The following CEP295 variants were observed in gnomAD, a reference collection of about 807,000 sequenced individuals.
CEP295 encodes centrosomal protein of 295 kDa.
CEP295 carries 190 observed loss-of-function variants against 291.6 expected under a neutral mutation model. The observed-to-expected ratio is 0.65, with a 90% CI of 0.58 to 0.73. The LOEUF (loss-of-function observed/expected upper bound fraction) is 0.73, where lower values mean the gene tolerates loss of function less well. Ranked by LOEUF, CEP295 falls within the 30% of genes least tolerant of loss-of-function variation. CEP295 has a pLI of 0.00. For missense variants in CEP295, 2,863 were observed against 2,949.4 expected, an observed-to-expected ratio of 0.97 and a Z score of 0.68; for synonymous variants, 993 against 1,038.8, an observed-to-expected ratio of 0.96 and a Z score of 0.85.
At chr11:93,665,409 A>G (rs1021733543) in intron 1 of CEP295, among the ~76,000 whole-genome samples, 16 of 152,208 alleles carry the variant, frequency 1.1e-4, no homozygotes, top group African/African-American at 3.9e-4. Flanking sequence ...AACGGTAGCA[A>G]CAGAAGAATA....
chr11:93,728,842 TATTTTA>T (rs1429399338), intron 25 of CEP295, 21 bp downstream of exon 25: 1 of 1,521,898 alleles, frequency 6.6e-7, no homozygotes, highest in East Asian at 2.5e-5. Flanking sequence ...GCTTTCCTTC[TATTTTA>T]TTCTATTACA....
intron 25 of CEP295, 114 bp from the exon 26 acceptor site, chr11:93,729,320 A>G: frequency 1.4e-6 from 1 of 722,882 alleles, no homozygotes; most frequent in Non-Finnish European, 2.4e-6. Context: ...AGACCCAGCT[A>G]AGATTGAGGC....
rs1242739485 is a variant in CEP295, at chr11:93,698,272, T to G, written c.3360T>G (p.Pro1120=). The change falls in exon 15 of 30, where the codon CCT becomes CCG. Residue 1120 remains proline, a synonymous_variant. Transcript: ENST00000325212. ...CACAAGCTTCTGCTAAAGCTGAGCCTAGGAGAATTCAGGAGCTTTATTTAT... is the reference window on the plus strand; with the variant it reads ...CACAAGCTTCTGCTAAAGCTGAGCCGAGGAGAATTCAGGAGCTTTATTTAT... ...VASQASAKAE[P]RRIQELYLSE... 4 of 1,551,850 alleles carry G rather than the reference T, an allele frequency of 2.6e-6. No homozygotes were observed. In the East Asian group the frequency reaches 9.8e-5, roughly 38 times the overall value.
chr11:93,723,208 T>A lies in CEP295; in HGVS notation c.6115T>A (p.Cys2039Ser), dbSNP rs1218709818. Residue 2039 changes from cysteine to serine, a missense_variant, in exon 21 of 30, where the codon TGT (cysteine) becomes AGT (serine). By Grantham distance (112) the Cys-to-Ser change is moderately radical. This residue lies in a region of CEP295 where 2,295 missense variants were observed against 2,335.7 expected (regional missense o/e 0.98). Coordinates refer to ENST00000325212, the MANE Select transcript of CEP295 (RefSeq NM_033395.2). Reference sequence around the variant, plus strand: ...GTTGCCTGCAGTGGATGAAACTACATGTGGTCACACACACTTTCAGCAAAT... The same window carrying A: ...GTTGCCTGCAGTGGATGAAACTACAAGTGGTCACACACACTTTCAGCAAAT... The part of the protein sequence containing the change: ...SLLPAVDETT[C>S]GHTHFQQMID... 3 of 1,551,894 alleles carry A rather than the reference T, an allele frequency of 1.9e-6. No homozygotes were observed. The African/African-American group carries it at 4.1e-5, about 21-fold the overall frequency.
chr11:93,710,710 CG>C (rs995180176), intron 18 of CEP295, among the ~76,000 whole-genome samples: 3 of 152,136 alleles, frequency 2.0e-5, no homozygotes, highest in African/African-American at 7.2e-5. Flanking sequence ...TTTAAGTGTT[CG>C]GTAAAATTCA....
chr11:93,699,866 G>A lies in CEP295; in HGVS notation c.4954G>A (p.Glu1652Lys). 6.4e-7 allele frequency: 1 copy of A among 1,552,070 alleles called. No homozygotes were observed. The highest frequency in any genetic ancestry group is 8.7e-7 in the Non-Finnish European group (1 of 1,147,012). ...IPSLFLPKETEHSFIPLPFAE... is the reference protein window; with the variant it reads ...IPSLFLPKETKHSFIPLPFAE... ...CTCTTTGTTTCTACCCAAGGAAACAGAGCATTCGTTTATTCCACTACCTTT... is the reference window on the plus strand; with the variant it reads ...CTCTTTGTTTCTACCCAAGGAAACAAAGCATTCGTTTATTCCACTACCTTT... Residue 1652 changes from glutamate to lysine, a missense_variant, in exon 15 of 30, where the codon GAG (glutamate) becomes AAG (lysine). Glu to Lys is a moderately conservative substitution (Grantham distance 56, BLOSUM62 1). Transcript: ENST00000325212.
chr11:93,685,612 G>A (rs1951193625), intron 9 of CEP295, among the ~76,000 whole-genome samples: 1 of 152,224 alleles, frequency 6.6e-6, no homozygotes, highest in African/African-American at 2.4e-5. Flanking sequence ...TGGTTTCAGG[G>A]CTGACTTGCC....
chr11:93,729,361 C>A, intron 25 of CEP295, 73 bp from the exon 26 acceptor site: 1 of 1,038,308 alleles, frequency 9.6e-7, no homozygotes, highest in Non-Finnish European at 1.5e-6. Context: ...CCGCTGCACT[C>A]TAATCTGACA....
Position 93,703,600 on chromosome 11 carries a change from G to A in CEP295, c.5596+681G>A, listed in dbSNP as rs1157224189. ...GTTTTTTTTTTTTCTCTTTTCCTTT[G>A]TCACTTTCTACTTTCCTACCTTCAC... is the stretch of plus-strand genomic sequence containing the variant. On this transcript the variant is annotated intron_variant, in intron 17 of 29. Transcript: ENST00000325212. 4.4e-5 allele frequency among the ~76,000 whole-genome samples: 6 copies of A among 137,004 alleles called. No homozygotes were observed. In the East Asian group the frequency reaches 1.1e-3, roughly 24 times the overall value. 89.9% of individuals were successfully genotyped at this position (137,004 alleles called of 152,430 possible). A position where few individuals can be genotyped will look rare whatever the true frequency, so the allele number is the denominator to read the frequency against.
At chr11:93,665,477 G>T (rs190118851) in intron 1 of CEP295, among the ~76,000 whole-genome samples, 55 of 152,334 alleles carry the variant, frequency 3.6e-4, no homozygotes, top group Non-Finnish European at 6.6e-4. Context: ...GGAGGCTGAG[G>T]CAGGTGGATC....
Position 93,699,673 on chromosome 11 carries a change from T to C in CEP295, c.4761T>C (p.Asp1587=). The part of the protein sequence containing the change: ...SSHREIPRLQ[D]RLLSLSKPIL... ...ATCGTGAGATTCCAAGATTACAGGATAGACTTTTGAGTTTATCAAAGCCTA... is the reference window on the plus strand; with the variant it reads ...ATCGTGAGATTCCAAGATTACAGGACAGACTTTTGAGTTTATCAAAGCCTA... The change falls in exon 15 of 30, where the codon GAT becomes GAC. Residue 1587 remains aspartate, a synonymous_variant. Coordinates refer to ENST00000325212, the MANE Select transcript of CEP295 (RefSeq NM_033395.2). 1 of 1,551,544 alleles carries C rather than the reference T, an allele frequency of 6.4e-7. No homozygotes were observed. The highest frequency in any genetic ancestry group is 8.7e-7 in the Non-Finnish European group (1 of 1,147,032).
Position 93,669,707 on chromosome 11 carries a change from T to G in CEP295, c.465T>G (p.Leu155=). Residue 155 remains leucine, a synonymous_variant, in exon 5 of 30, where the codon CTT becomes CTG. Transcript: ENST00000325212. ...TAAAAGCTCGAAAGGAAGCACTGCT[T>G]GTGGAAAAAGAGAGATCAGCCAAAA... The part of the protein sequence containing the change: ...WHIKARKEAL[L]VEKERSAKIT... The G allele has an allele frequency of 6.4e-7, 1 of 1,550,816 alleles. No individual in the cohort carries two copies. The highest frequency in any genetic ancestry group is 8.7e-7 in the Non-Finnish European group (1 of 1,146,278).
At position 93,729,666 on chromosome 11, in the gene CEP295, A is replaced by G. The variant is rs1565230802; in HGVS notation, c.7452A>G (p.Ile2484Met). The change falls in exon 27 of 30, where the codon ATA becomes ATG. Residue 2484 changes from isoleucine (I) to methionine (M), a missense_variant. Transcript: ENST00000325212. ...PVPGSLQEAFIKRKKSFMERS... is the reference protein window; with the variant it reads ...PVPGSLQEAFMKRKKSFMERS... ...CAGGGAGCTTACAAGAAGCATTTAT[A>G]AAGAGGAAAAAATCATTTATGGAGA... 1.3e-6 allele frequency: 2 copies of G among 1,550,892 alleles called. No homozygotes were observed. Among genetic ancestry groups the G allele is most frequent in the Non-Finnish European group, 1.7e-6 (2 of 1,146,710 alleles).
intron 15 of CEP295, among the ~76,000 whole-genome samples, chr11:93,701,332 C>A (rs1187236174): frequency 6.6e-6 from 1 of 152,062 alleles, no homozygotes; most frequent in Admixed American, 6.6e-5. Flanking sequence ...CCACTGTACT[C>A]CAGCCTGGGC....
In CEP295 at chr11:93,729,718, AG is replaced by A; in HGVS notation, c.7506del (p.Asn2503IlefsTer20). 1 of 1,550,034 alleles carries A rather than the reference AG, an allele frequency of 6.5e-7. No individual in the cohort carries two copies. The highest frequency in any genetic ancestry group is 8.7e-7 in the Non-Finnish European group (1 of 1,145,664). On this transcript the variant is annotated frameshift_variant, in exon 27 of 30. Coordinates refer to ENST00000325212, the MANE Select transcript of CEP295 (RefSeq NM_033395.2). LOFTEE classifies it high-confidence loss of function. Reference sequence around the variant, plus strand: ...ATCCCACCAGAGGCAGAAAGAAATAAGGAATAAAATTCATGTCTCTGAAAAT... The same window carrying A: ...ATCCCACCAGAGGCAGAAAGAAATAAGAATAAAATTCATGTCTCTGAAAAT... ...ERSHQRQKEI[R>X]NKIHVSENSQ...
In CEP295 at chr11:93,729,979, A is replaced by ATTTTT. The variant is rs200136546; in HGVS notation, c.7667+22_7667+26dup. The ATTTTT allele has an allele frequency of 2.2e-6, 3 of 1,389,786 alleles. No individual in the cohort carries two copies. Among genetic ancestry groups the ATTTTT allele is most frequent in the South Asian group, 1.4e-5 (1 of 72,434 alleles). The allele number at this position is 1,389,786 out of a possible 1,614,324, so 86.1% of individuals were successfully genotyped here. A position where few individuals can be genotyped will look rare whatever the true frequency, so the allele number is the denominator to read the frequency against. Reference sequence around the variant, plus strand: ...ACCAAAGGGGTCTAAGGTAGGGTTAATTTTTTTTTTTTTTTTAGTGATTCA... The same window carrying ATTTTT: ...ACCAAAGGGGTCTAAGGTAGGGTTAATTTTTTTTTTTTTTTTTTTTTAGTGATTCA... On this transcript the variant is annotated intron_variant, in intron 28 of 29. Transcript: ENST00000325212.
At chr11:93,689,599 C>T (rs1057444934) in intron 10 of CEP295, among the ~76,000 whole-genome samples, 2 of 152,154 alleles carry the variant, frequency 1.3e-5, no homozygotes, top group South Asian at 4.1e-4. Context: ...ACTTCTACCA[C>T]TCCCCACCTC....
intron 4 of CEP295, among the ~76,000 whole-genome samples, chr11:93,669,444 A>T (rs1272360825): frequency 6.7e-6 from 1 of 148,804 alleles, no homozygotes; most frequent in Non-Finnish European, 1.5e-5. Context: ...AAAGAACATT[A>T]TAAGTTTCTT....
chr11:93,683,843 CTG>C, intron 8 of CEP295, 101 bp downstream of exon 8: 1 of 1,424,362 alleles, frequency 7.0e-7, no homozygotes. Flanking sequence ...AATGAGTTCT[CTG>C]TTTGAAGGAG....
Sources: gnomAD v4.1 joint callset for allele counts (sites outside exome capture counted in the v4.1 genomes callset) on GRCh38, gnomAD v4.1.1 for gene constraint, gnomAD v4.1.1 regional missense constraint, MANE v1.5 for transcripts, NCBI Gene and HGNC (gene_info 2026-07-23, HGNC 2026-07-21) for gene names.